Variants in IGFN1 observed in about 807,000 individuals in gnomAD.
IGFN1 encodes the protein immunoglobulin-like and fibronectin type III domain-containing protein 1.
In IGFN1, 253 loss-of-function variants were observed where a neutral mutation model predicts 289.5. The observed-to-expected ratio is 0.87, with a 90% confidence interval of 0.79 to 0.97. IGFN1 has a LOEUF of 0.97. Ranked by LOEUF, IGFN1 falls within the 50% of genes least tolerant of loss-of-function variation. The pLI, the probability that IGFN1 is intolerant of heterozygous loss-of-function variation, is 0.00. For synonymous variants in IGFN1, 1,706 were observed against 1,788.5 expected (o/e 0.95, Z 1.16); for missense variants, 4,470 against 4,686.1 (o/e 0.95, Z 1.35).
intron 4 of IGFN1, 56 bp downstream of exon 4, chr1:201,196,034 T>C: frequency 6.6e-7 from 1 of 1,520,658 alleles, no homozygotes; most frequent in Non-Finnish European, 8.9e-7. Context: ...CCCATCCCCT[T>C]GAAGGTCTCT....
At chr1:201,204,821 C>T (rs937379731) in intron 10 of IGFN1, among the ~76,000 whole-genome samples, 8 of 152,194 alleles carry the variant, frequency 5.3e-5, no homozygotes, top group African/African-American at 1.9e-4. Context: ...ATGCATCCAC[C>T]TTGTCCCTAA....
At chr1:201,221,790 C>T in intron 19 of IGFN1, 44 bp downstream of exon 19, 3 of 1,512,166 alleles carry the variant, frequency 2.0e-6, no homozygotes, top group Non-Finnish European at 2.7e-6. Context: ...CTGCAGGCCT[C>T]TCCTAAGAGG....
chr1:201,205,380 C>A, intron 11 of IGFN1, 26 bp downstream of exon 11: 1 of 1,505,528 alleles, frequency 6.6e-7, no homozygotes, highest in Non-Finnish European at 8.9e-7. Context: ...CTCTGTCTTT[C>A]TCTGCCTCCA....
intron 18 of IGFN1, 85 bp downstream of exon 18, chr1:201,218,743 G>A: frequency 2.1e-6 from 3 of 1,398,066 alleles, no homozygotes; most frequent in Non-Finnish European, 2.9e-6. Flanking sequence ...GGAGGTCAAA[G>A]GTCACAGGTC....
rs568671824 is a variant in IGFN1, at chr1:201,197,154, G to A, written c.268-64G>A. ...CACTTTATACCCCCAACACATAGCC[G>A]TGTCTAGTAAATGGAGGAAGGGGAT... On this transcript the variant is annotated intron_variant, in intron 4 of 23. Coordinates refer to ENST00000335211, the MANE Select transcript of IGFN1 (RefSeq NM_001164586.2). The A allele has an allele frequency of 2.1e-5, 20 of 959,874 alleles. 1 individual carries two copies. The highest frequency in any genetic ancestry group is 1.1e-4 in the South Asian group (8 of 71,502). 59.5% of individuals were successfully genotyped at this position (959,874 alleles called of 1,614,324 possible). A position where few individuals can be genotyped will look rare whatever the true frequency, so the allele number is the denominator to read the frequency against.
intron 20 of IGFN1, 175 bp downstream of exon 20, chr1:201,223,002 A>T (rs916355298): frequency 4.1e-6 from 2 of 487,832 alleles, no homozygotes; most frequent in Admixed American, 3.7e-5. Flanking sequence ...GGAAGGATTC[A>T]GGTCCTCCTT....
chr1:201,192,224 G>T (rs543214752), intron 1 of IGFN1, among the ~76,000 whole-genome samples: 4 of 152,246 alleles, frequency 2.6e-5, no homozygotes, highest in African/African-American at 9.6e-5. Context: ...TGGCCGTTGC[G>T]AAATGGAATG....
At chr1:201,201,067 G>A (rs566363480) in intron 8 of IGFN1, among the ~76,000 whole-genome samples, 17 of 152,148 alleles carry the variant, frequency 1.1e-4, no homozygotes, top group Admixed American at 7.9e-4. Flanking sequence ...TCCTGACCTC[G>A]TGATCCGCCT....
Position 201,215,009 on chromosome 1 carries a change from C to T in IGFN1, c.8854-4C>T. ...ACCTTCTCCTGCTGTGGCCCTGTCT[C>T]CAGCTCACCACCCAGGATGGAGTCA... On this transcript the variant is annotated splice_polypyrimidine_tract_variant and splice_region_variant and intron_variant, in intron 13 of 23. Coordinates refer to ENST00000335211, the MANE Select transcript of IGFN1 (RefSeq NM_001164586.2). The T allele has an allele frequency of 6.2e-7, 1 of 1,613,340 alleles. No homozygotes were observed.
chr1:201,228,480 G>T lies in IGFN1; in HGVS notation c.*81G>T. ...CACTGGCCCGGGAAGCCAATCCCAA[G>T]GATGGAGGCTGTGCCCAGAGCCCCA... On this transcript the variant is annotated 3_prime_UTR_variant, in exon 24 of 24. Transcript: ENST00000335211. 1 of 1,442,668 alleles carries T rather than the reference G, an allele frequency of 6.9e-7. No individual in the cohort carries two copies. The highest frequency in any genetic ancestry group is 2.3e-5 in the East Asian group (1 of 44,064). The allele number at this position is 1,442,668 out of a possible 1,614,324, so 89.4% of individuals were successfully genotyped here. A position where few individuals can be genotyped will look rare whatever the true frequency, so the allele number is the denominator to read the frequency against.
intron 19 of IGFN1, 133 bp downstream of exon 19, chr1:201,221,879 C>T: frequency 1.4e-6 from 1 of 718,192 alleles, no homozygotes; most frequent in Non-Finnish European, 2.3e-6. Context: ...TTATTGAGCA[C>T]CTACTAGGTG....
At chr1:201,200,475 T>TGA in intron 8 of IGFN1, 64 bp downstream of exon 8, 1 of 1,333,642 alleles carries the variant, frequency 7.5e-7, no homozygotes, top group Non-Finnish European at 1.0e-6. Context: ...CATAGGTGCC[T>TGA]CACACCTGGA....
Position 201,225,993 on chromosome 1 carries a change from C to T in IGFN1, c.10656C>T (p.His3552=), listed in dbSNP as rs148723775. Residue 3552 remains histidine, a synonymous_variant, in exon 22 of 24, where the codon CAC becomes CAT. Coordinates refer to ENST00000335211, the MANE Select transcript of IGFN1 (RefSeq NM_001164586.2). ...GPWHEAADRI[H]TNRFTLLGIL... Reference sequence around the variant, plus strand: ...GGCACGAGGCAGCCGACCGCATCCACACCAACCGCTTCACCCTCCTGGGCA... The same window carrying T: ...GGCACGAGGCAGCCGACCGCATCCATACCAACCGCTTCACCCTCCTGGGCA... The T allele has an allele frequency of 1.9e-3, 3,049 of 1,579,956 alleles. 10 individuals are homozygous for T. The highest frequency in any genetic ancestry group is 2.5e-3 in the Non-Finnish European group (2,915 of 1,160,296).
rs2102349020 is a variant in IGFN1, at chr1:201,212,685, G to C, written c.7792G>C (p.Asp2598His). The change falls in exon 12 of 24, where the codon GAT becomes CAT. Residue 2598 changes from aspartate (D) to histidine (H), a missense_variant. Physicochemically the swap from Asp to His is moderately conservative, Grantham distance 81. Around this residue, in one of 8 missense-constraint regions of IGFN1, gnomAD observed 2,218 missense variants for 2,114.1 expected, o/e 1.05. Transcript: ENST00000335211. The part of the protein sequence containing the change: ...GSGSSVGTGQ[D>H]LDSGSMPGGR... ...AGGGAGTTCAGTGGGGACAGGTCAG[G>C]ATCTGGACAGCGGCTCTATGCCTGG... The C allele has an allele frequency of 6.5e-7, 1 of 1,547,788 alleles. No individual in the cohort carries two copies. The highest frequency in any genetic ancestry group is 1.2e-5 in the South Asian group (1 of 83,286).
chr1:201,199,559 C>G (rs750720975), intron 6 of IGFN1, 50 bp from the exon 7 acceptor site: 3 of 1,523,066 alleles, frequency 2.0e-6, no homozygotes, highest in Non-Finnish European at 2.7e-6. Context: ...CTGCATCAAC[C>G]CTCAGTCATC....
In IGFN1 at chr1:201,206,209, GC is replaced by G. The variant is rs1558140201; in HGVS notation, c.1320del (p.Arg441GlyfsTer17). The part of the protein sequence containing the change: ...ESQGEKSREQ[G>X]PRGGSLEGAG... ...CAGGGAGAGAAATCCAGAGAGCAGG[GC>G]CCCAGGGGGGGCTCCCTTGAAGGGG... On this transcript the variant is annotated frameshift_variant, in exon 12 of 24. Coordinates refer to ENST00000335211, the MANE Select transcript of IGFN1 (RefSeq NM_001164586.2). LOFTEE classifies it high-confidence loss of function. 11 of 1,548,718 alleles carry G rather than the reference GC, an allele frequency of 7.1e-6. No individual in the cohort carries two copies. The highest frequency in any genetic ancestry group is 9.6e-6 in the Non-Finnish European group (11 of 1,146,316).
chr1:201,208,651 G>C lies in IGFN1; in HGVS notation c.3758G>C (p.Arg1253Thr), dbSNP rs1667553898. Residue 1253 changes from arginine to threonine, a missense_variant, in exon 12 of 24, where the codon AGA becomes ACA. Arg to Thr is a moderately conservative substitution (Grantham distance 71). Transcript: ENST00000335211. ...GGGCCAGGGGGTGAGGCAGGCTTTAGAGATGGTTCAGGAGGCCTCCAAGGA... is the reference window on the plus strand; with the variant it reads ...GGGCCAGGGGGTGAGGCAGGCTTTACAGATGGTTCAGGAGGCCTCCAAGGA... ...STGPGGEAGF[R>T]DGSGGLQGMG... The C allele has an allele frequency of 2.6e-6, 4 of 1,535,118 alleles. No individual in the cohort carries two copies. Among genetic ancestry groups the C allele is most frequent in the Non-Finnish European group, 3.5e-6 (4 of 1,146,008 alleles).
At position 201,209,499 on chromosome 1, in the gene IGFN1, G is replaced by A. The variant is rs1667607636; in HGVS notation, c.4606G>A (p.Ala1536Thr). The change falls in exon 12 of 24, where the codon GCT becomes ACT. Residue 1536 changes from alanine (A) to threonine (T), a missense_variant. Physicochemically the swap from Ala to Thr is moderately conservative, Grantham distance 58. This residue lies in a region of IGFN1 where 2,011 missense variants were observed against 1,953.4 expected (regional missense o/e 1.03). Coordinates refer to ENST00000335211, the MANE Select transcript of IGFN1 (RefSeq NM_001164586.2). Reference sequence around the variant, plus strand: ...GGCAGGCTATAGGAAGGATTTGGGGGCTTCTGAGGCAATAGGTTCAGGGAG... The same window carrying A: ...GGCAGGCTATAGGAAGGATTTGGGGACTTCTGAGGCAATAGGTTCAGGGAG... ...DKAGYRKDLG[A>T]SEAIGSGSKA... 6.5e-7 allele frequency: 1 copy of A among 1,536,958 alleles called. No individual in the cohort carries two copies. Among genetic ancestry groups the A allele is most frequent in the Non-Finnish European group, 8.7e-7 (1 of 1,146,754 alleles).
intron 13 of IGFN1, 61 bp downstream of exon 13, chr1:201,214,362 G>A: frequency 6.6e-7 from 1 of 1,515,836 alleles, no homozygotes; most frequent in Non-Finnish European, 9.0e-7. Flanking sequence ...AAGCAGAGAG[G>A]GGCAAGAGCG....
Sources: gnomAD v4.1 joint callset for allele counts (sites outside exome capture counted in the v4.1 genomes callset) on GRCh38, gnomAD v4.1.1 for gene constraint, gnomAD v4.1.1 regional missense constraint, MANE v1.5 for transcripts, NCBI Gene and HGNC (gene_info 2026-07-23, HGNC 2026-07-21) for gene names.